The following DTNA variants were observed in gnomAD, a reference collection of about 807,000 sequenced individuals.
The protein encoded by DTNA is dystrobrevin alpha, also known as dystrophin-related protein 3.
DTNA carries 43 observed loss-of-function variants against 100.7 expected under a neutral mutation model. The ratio of observed to expected loss-of-function variants is 0.43; its 90% CI spans 0.33 to 0.55. The LOEUF (loss-of-function observed/expected upper bound fraction) is 0.55, where lower values mean the gene tolerates loss of function less well. Ranked by LOEUF, DTNA falls within the 20% of genes least tolerant of loss-of-function variation. DTNA has a pLI of 0.04. For missense variants in DTNA, 798 were observed against 953.9 expected (o/e 0.84, Z 2.15); for synonymous variants, 349 against 347.9 (o/e 1.00, Z -0.04).
intron 1 of DTNA, among the ~76,000 whole-genome samples, chr18:34,666,021 T>C (rs2075872989): frequency 6.6e-6 from 1 of 152,218 alleles, no homozygotes; most frequent in Admixed American, 6.5e-5. Flanking sequence ...ATGGTTAAAC[T>C]AGTTTACAGT....
At chr18:34,763,209 C>A (rs1055604522) in intron 2 of DTNA, among the ~76,000 whole-genome samples, 2 of 152,136 alleles carry the variant, frequency 1.3e-5, no homozygotes, top group Admixed American at 6.6e-5. Context: ...AAACTTAGCA[C>A]CAATAAAAGT....
At chr18:34,792,534 T>C (rs1025276872) in intron 3 of DTNA, among the ~76,000 whole-genome samples, 3 of 152,140 alleles carry the variant, frequency 2.0e-5, no homozygotes, top group African/African-American at 7.2e-5. Context: ...GACAAAAAAA[T>C]AGGGAGCTGT....
intron 1 of DTNA, among the ~76,000 whole-genome samples, chr18:34,730,152 G>T (rs762138180): frequency 6.6e-6 from 1 of 152,200 alleles, no homozygotes; most frequent in African/African-American, 2.4e-5. Flanking sequence ...ACAAATCCAA[G>T]TTCTGCATTT....
chr18:34,849,328 A>G (rs933223752), intron 14 of DTNA, among the ~76,000 whole-genome samples: 5 of 152,186 alleles, frequency 3.3e-5, no homozygotes, highest in African/African-American at 1.2e-4. Context: ...AAGGCAAAAC[A>G]AGGTTTTTGG....
chr18:34,828,680 C>A (rs2149560521), intron 10 of DTNA, among the ~76,000 whole-genome samples: 1 of 152,136 alleles, frequency 6.6e-6, no homozygotes, highest in Middle Eastern at 3.4e-3. Flanking sequence ...TTGTAATTAG[C>A]AGAATAAACA....
intron 11 of DTNA, among the ~76,000 whole-genome samples, chr18:34,832,940 A>G (rs2096052267): frequency 6.6e-6 from 1 of 152,192 alleles, no homozygotes; most frequent in Admixed American, 6.5e-5. Flanking sequence ...AGCCAACTTT[A>G]TAAGTCATTC....
chr18:34,819,840 G>A (rs958466884), intron 8 of DTNA, among the ~76,000 whole-genome samples: 7 of 151,806 alleles, frequency 4.6e-5, no homozygotes, highest in Middle Eastern at 3.2e-3. Context: ...AAAAAATGAG[G>A]ACAATAGTCA....
chr18:34,874,007 T>C (rs2150310253), intron 17 of DTNA, among the ~76,000 whole-genome samples: 1 of 152,348 alleles, frequency 6.6e-6, no homozygotes, highest in Admixed American at 6.5e-5. Flanking sequence ...TGCTCTGTTC[T>C]GTTTTGCTTC....
At position 34,716,930 on chromosome 18, in the gene DTNA, T is replaced by C. The variant is rs538817213; in HGVS notation, c.-2+6485T>C. Among the ~76,000 whole-genome samples, 3 of 152,336 alleles carry C rather than the reference T, an allele frequency of 2.0e-5. No individual in the cohort carries two copies. In the South Asian group the frequency reaches 6.2e-4, roughly 32 times the overall value. The stretch of plus-strand genomic sequence containing the variant: ...CAATACCAAATGGTAAAATCTGGAA[T>C]GCCTTGACTGTGAGAGAAAATAACA... On this transcript the variant is annotated intron_variant, in intron 1 of 22. Coordinates refer to ENST00000444659, the MANE Select transcript of DTNA (RefSeq NM_001386795.1).
At chr18:34,676,096 T>A (rs1178222802) in intron 1 of DTNA, among the ~76,000 whole-genome samples, 1 of 152,252 alleles carries the variant, frequency 6.6e-6, no homozygotes, top group African/African-American at 2.4e-5. Flanking sequence ...GAATCTGGGC[T>A]GAGAGGACCA....
intron 17 of DTNA, among the ~76,000 whole-genome samples, chr18:34,864,478 C>G (rs1021004215): frequency 9.9e-5 from 15 of 151,684 alleles, no homozygotes; most frequent in South Asian, 4.2e-4. Flanking sequence ...TGGTCTCGAT[C>G]TCCTGACCTC....
chr18:34,613,152 T>C (rs535248260), intron 1 of DTNA, among the ~76,000 whole-genome samples: 2 of 152,342 alleles, frequency 1.3e-5, no homozygotes, highest in South Asian at 4.2e-4. Flanking sequence ...ACTAGTAGTC[T>C]TTGATGTGGC....
At chr18:34,812,430 C>T (rs1185698462) in intron 6 of DTNA, among the ~76,000 whole-genome samples, 1 of 152,120 alleles carries the variant, frequency 6.6e-6, no homozygotes, top group Non-Finnish European at 1.5e-5. Flanking sequence ...ATACCCGAGA[C>T]TGGGTAATTT....
At chr18:34,567,168 G>A (rs531923356) in intron 1 of DTNA, among the ~76,000 whole-genome samples, 5 of 152,206 alleles carry the variant, frequency 3.3e-5, no homozygotes, top group South Asian at 2.1e-4. Context: ...GCGTGCTTGC[G>A]TCAACTAACA....
intron 1 of DTNA, among the ~76,000 whole-genome samples, chr18:34,725,991 C>T (rs1223350435): frequency 6.6e-6 from 1 of 152,084 alleles, no homozygotes; most frequent in Admixed American, 6.6e-5. Flanking sequence ...AGCAACGTAA[C>T]AGAAGAAGAG....
intron 1 of DTNA, among the ~76,000 whole-genome samples, chr18:34,688,508 T>G (rs2145767613): frequency 6.6e-6 from 1 of 152,318 alleles, no homozygotes; most frequent in Non-Finnish European, 1.5e-5. Context: ...TGCTGAGAGA[T>G]CCACTGTTAG....
chr18:34,798,878 C>T (rs2095098210), intron 4 of DTNA, among the ~76,000 whole-genome samples: 1 of 152,140 alleles, frequency 6.6e-6, no homozygotes, highest in African/African-American at 2.4e-5. Context: ...GCAGGTCATA[C>T]AGCATCATAC....
chr18:34,859,431 A>G (rs1371284656), intron 16 of DTNA, among the ~76,000 whole-genome samples: 1 of 152,166 alleles, frequency 6.6e-6, no homozygotes, highest in Non-Finnish European at 1.5e-5. Context: ...GAGGTTTCCC[A>G]TTAGTTATTT....
At chr18:34,879,227 A>G (rs112942711) in intron 19 of DTNA, among the ~76,000 whole-genome samples, 1 of 152,348 alleles carries the variant, frequency 6.6e-6, no homozygotes, top group African/African-American at 2.4e-5. Flanking sequence ...TTAGTGTAAT[A>G]TTAAGCAAAA....
Sources: gnomAD v4.1 joint callset for allele counts (sites outside exome capture counted in the v4.1 genomes callset) on GRCh38, gnomAD v4.1.1 for gene constraint, MANE v1.5 for transcripts, NCBI Gene and HGNC (gene_info 2026-07-23, HGNC 2026-07-21) for gene names.